Variants in SH2D2A observed in about 807,000 individuals in gnomAD.
SH2D2A encodes SH2 domain containing 2A.
SH2D2A carries 33 observed loss-of-function variants against 43.6 expected under a neutral mutation model. The ratio of observed to expected loss-of-function variants is 0.76; its 90% CI spans 0.57 to 1.01. SH2D2A has a LOEUF of 1.01. SH2D2A is among the 50% of genes least tolerant of loss of function. SH2D2A has a pLI of 0.00. For missense variants in SH2D2A, 491 were observed against 503.1 expected (o/e 0.98, Z 0.23); for synonymous variants, 212 against 206.1 (o/e 1.03, Z -0.25).
At chr1:156,816,190 G>T in intron 1 of SH2D2A, 96 bp from the exon 2 acceptor site, 9 of 1,487,658 alleles carry the variant, frequency 6.0e-6, no homozygotes, top group Non-Finnish European at 8.0e-6. Flanking sequence ...GATCTGGAGG[G>T]CTGGGACAGT....
chr1:156,815,726 C>T, intron 2 of SH2D2A: 6 of 1,311,714 alleles, frequency 4.6e-6, no homozygotes, highest in Non-Finnish European at 6.6e-6. Flanking sequence ...AGTGCAGATG[C>T]CTGCTTCTGG....
intron 1 of SH2D2A, among the ~76,000 whole-genome samples, chr1:156,816,384 C>A (rs1345134031): frequency 6.6e-6 from 1 of 152,186 alleles, no homozygotes; most frequent in Non-Finnish European, 1.5e-5. Context: ...CACTTCAGGG[C>A]AGGCCCTTCT....
chr1:156,815,075 C>T lies in SH2D2A; in HGVS notation c.270G>A (p.Gly90=). The change falls in exon 3 of 9, where the codon GGG becomes GGA. Residue 90 remains glycine (G), a synonymous_variant. Coordinates refer to ENST00000368199, the MANE Select transcript of SH2D2A (RefSeq NM_003975.4). ...KTQAHWLLQH[G]AAPAWFHGFI... ...AGCCATGGAACCAGGCAGGGGCTGCCCCGTGCTGCAGGAGCCAGTGGGCCT... is the reference window on the plus strand; with the variant it reads ...AGCCATGGAACCAGGCAGGGGCTGCTCCGTGCTGCAGGAGCCAGTGGGCCT... 6.2e-7 allele frequency: 1 copy of T among 1,601,624 alleles called. No homozygotes were observed. The highest frequency in any genetic ancestry group is 8.5e-7 in the Non-Finnish European group (1 of 1,173,824).
chr1:156,809,652 G>C lies in SH2D2A; in HGVS notation c.714+9C>G, dbSNP rs758116512. On this transcript the variant is annotated intron_variant, in intron 6 of 8. Transcript: ENST00000368199. This position sits in a 1 kb window ranked among gnomAD's most constrained non-coding sequence, Gnocchi z 4.8. ...TCCTCCCACTCCCTCAGCCCCTGCA[G>C]CCCAATACCTCCTTCTCCCCGGCCC... The C allele has an allele frequency of 1.2e-6, 2 of 1,606,930 alleles. No individual in the cohort carries two copies. The highest frequency in any genetic ancestry group is 1.7e-6 in the Non-Finnish European group (2 of 1,177,680).
intron 7 of SH2D2A, among the ~76,000 whole-genome samples, chr1:156,808,967 G>A (rs1653180485): frequency 6.6e-6 from 1 of 152,184 alleles, no homozygotes; most frequent in Non-Finnish European, 1.5e-5. Context: ...TGTGAGATAG[G>A]AGGGCATGGG....
intron 2 of SH2D2A, chr1:156,815,663 G>C: frequency 1.3e-6 from 1 of 789,576 alleles, no homozygotes; most frequent in Non-Finnish European, 2.2e-6. Flanking sequence ...GGGCAGGAGA[G>C]AAGGACTGAG....
Position 156,815,227 on chromosome 1 carries a change from T to C in SH2D2A, c.124-6A>G. ...TCCGGGGCCTGGGGAGATGCCTGGATCAGGGAAGAGTTCAAGGAGGGGGAA... is the reference window on the plus strand; with the variant it reads ...TCCGGGGCCTGGGGAGATGCCTGGACCAGGGAAGAGTTCAAGGAGGGGGAA... On this transcript the variant is annotated splice_region_variant and splice_polypyrimidine_tract_variant and intron_variant, in intron 2 of 8. Transcript: ENST00000368199. The C allele has an allele frequency of 6.7e-7, 1 of 1,496,632 alleles. No homozygotes were observed. The highest frequency in any genetic ancestry group is 1.4e-5 in the South Asian group (1 of 74,014). 92.7% of individuals were successfully genotyped at this position (1,496,632 alleles called of 1,614,324 possible).
chr1:156,807,197 G>T lies in SH2D2A; in HGVS notation c.1151C>A (p.Pro384His). The T allele has an allele frequency of 1.2e-6, 2 of 1,612,246 alleles. No homozygotes were observed. Among genetic ancestry groups the T allele is most frequent in the South Asian group, 2.2e-5 (2 of 91,042 alleles). ...VLQDRGQAWL[P>H]LGPPQ The stretch of plus-strand genomic sequence containing the variant: ...TACCGCCTACTGAGGAGGCCCAAGG[G>T]GAAGCCATGCCTGTCCTCTGTCCTG... The change falls in exon 8 of 9, where the codon CCC becomes CAC. Residue 384 changes from proline to histidine, a missense_variant. Physicochemically the swap from Pro to His is moderately conservative, Grantham distance 77. Transcript: ENST00000368199. This position sits in a 1 kb window ranked among gnomAD's most constrained non-coding sequence, Gnocchi z 5.1.
In SH2D2A at chr1:156,816,148, T is replaced by C. The variant is rs1483117639; in HGVS notation, c.35-54A>G. The C allele has an allele frequency of 9.6e-6, 15 of 1,555,288 alleles. No individual in the cohort carries two copies. In the East Asian group the frequency reaches 3.4e-4, roughly 36 times the overall value. On this transcript the variant is annotated intron_variant, in intron 1 of 8. Coordinates refer to ENST00000368199, the MANE Select transcript of SH2D2A (RefSeq NM_003975.4). Reference sequence around the variant, plus strand: ...TTCTCAGAGAGGAACTATGTCTGTCTCTGCCTCCCACCCCTCCTCCCAGGC... The same window carrying C: ...TTCTCAGAGAGGAACTATGTCTGTCCCTGCCTCCCACCCCTCCTCCCAGGC...
rs1318875635 is a variant in SH2D2A, at chr1:156,809,787, A to G, written c.588T>C (p.Leu196=). The G allele has an allele frequency of 5.6e-6, 9 of 1,613,682 alleles. No homozygotes were observed. The highest frequency in any genetic ancestry group is 7.6e-6 in the Non-Finnish European group (9 of 1,179,824). The change falls in exon 6 of 9, where the codon CTT becomes CTC. Residue 196 remains leucine (L), a synonymous_variant. Coordinates refer to ENST00000368199, the MANE Select transcript of SH2D2A (RefSeq NM_003975.4). The surrounding 1 kb of genome is among the most constrained non-coding windows in gnomAD (Gnocchi z 4.8). ...AGTTTGATTCTTCGGTCCTCAGGGA[A>G]AGTCCTGCAGGCTCAGGAGTCTGCT... ...LARQTPEPAG[L]SLRTEESNFG...
At position 156,809,786 on chromosome 1, in the gene SH2D2A, A is replaced by G; in HGVS notation, c.589T>C (p.Ser197Pro). The G allele has an allele frequency of 6.2e-7, 1 of 1,613,704 alleles. No individual in the cohort carries two copies. The highest frequency in any genetic ancestry group is 8.5e-7 in the Non-Finnish European group (1 of 1,179,832). The change falls in exon 6 of 9, where the codon TCC becomes CCC. Residue 197 changes from serine to proline, a missense_variant. Ser to Pro is a moderately conservative substitution (Grantham distance 74, BLOSUM62 -1). Coordinates refer to ENST00000368199, the MANE Select transcript of SH2D2A (RefSeq NM_003975.4). The surrounding 1 kb of genome is among the most constrained non-coding windows in gnomAD (Gnocchi z 4.8). ...AAGTTTGATTCTTCGGTCCTCAGGG[A>G]AAGTCCTGCAGGCTCAGGAGTCTGC... ...ARQTPEPAGL[S>P]LRTEESNFGS...
chr1:156,816,251 G>A, intron 1 of SH2D2A, 157 bp from the exon 2 acceptor site: 1 of 826,616 alleles, frequency 1.2e-6, no homozygotes, highest in Non-Finnish European at 1.5e-6. Context: ...TCTCAGGCAT[G>A]AGGTTAAGTA....
intron 7 of SH2D2A, among the ~76,000 whole-genome samples, chr1:156,808,272 T>C (rs1653116716): frequency 6.6e-6 from 1 of 152,156 alleles, no homozygotes; most frequent in Non-Finnish European, 1.5e-5. Context: ...CTGGCTTGGC[T>C]AGCTGGGTAG....
intron 5 of SH2D2A, among the ~76,000 whole-genome samples, chr1:156,810,825 G>A (rs923646337): frequency 5.9e-5 from 9 of 152,140 alleles, no homozygotes; most frequent in Admixed American, 3.9e-4. Flanking sequence ...CCGGCCATAA[G>A]CTAACATTTT....
At chr1:156,816,230 G>A in intron 1 of SH2D2A, 136 bp from the exon 2 acceptor site, 19 of 1,396,362 alleles carry the variant, frequency 1.4e-5, no homozygotes, top group Non-Finnish European at 1.8e-5. Flanking sequence ...CAGAAGGGCA[G>A]CAGGGGAGTT....
chr1:156,811,116 GT>G (rs1653382765), intron 5 of SH2D2A, among the ~76,000 whole-genome samples: 1 of 152,146 alleles, frequency 6.6e-6, no homozygotes, highest in Admixed American at 6.5e-5. Flanking sequence ...GGAATAAAAA[GT>G]AGCACCTCCA....
intron 7 of SH2D2A, among the ~76,000 whole-genome samples, chr1:156,808,922 G>A (rs141066557): frequency 6.6e-6 from 1 of 152,314 alleles, no homozygotes; most frequent in African/African-American, 2.4e-5. Flanking sequence ...TGTGGGAGGT[G>A]GAGGGGCACC....
rs952210583 is a variant in SH2D2A at position 156,807,916 on chromosome 1, G to A, written c.1003-571C>T. Among the ~76,000 whole-genome samples the A allele has an allele frequency of 1.3e-5, 2 of 152,232 alleles. No individual in the cohort carries two copies. Among genetic ancestry groups the A allele is most frequent in the African/African-American group, 4.8e-5 (2 of 41,458 alleles). On this transcript the variant is annotated intron_variant, in intron 7 of 8. Coordinates refer to ENST00000368199, the MANE Select transcript of SH2D2A (RefSeq NM_003975.4). The surrounding 1 kb of genome is among the most constrained non-coding windows in gnomAD (Gnocchi z 5.1). ...AACCCAAGTCTAGAGTGCTTCATGGGCCAGGCAGCTGCTTCAGCAAGACCA... is the reference window on the plus strand; with the variant it reads ...AACCCAAGTCTAGAGTGCTTCATGGACCAGGCAGCTGCTTCAGCAAGACCA...
At chr1:156,811,147 C>G (rs1345810406) in intron 5 of SH2D2A, among the ~76,000 whole-genome samples, 2 of 152,206 alleles carry the variant, frequency 1.3e-5, no homozygotes, top group African/African-American at 2.4e-5. Flanking sequence ...CGAAACAGCA[C>G]CTTAGGAGTC....
Sources: allele counts gnomAD v4.1 joint callset (sites outside exome capture counted in the v4.1 genomes callset), GRCh38; gene constraint gnomAD v4.1.1; non-coding constraint Gnocchi (gnomAD v3.1); transcripts MANE v1.5; gene names NCBI Gene and HGNC (gene_info 2026-07-23, HGNC 2026-07-21).